The following ST14 variants were observed in gnomAD, a reference collection of about 807,000 sequenced individuals.
The protein encoded by ST14 is suppressor of tumorigenicity 14 protein.
In ST14, 40 loss-of-function variants were observed where a neutral mutation model predicts 96.5. The observed-to-expected ratio is 0.41, with a 90% CI of 0.32 to 0.54. ST14 has a LOEUF of 0.54. Among genes scored for constraint, ST14 ranks in the 20% least tolerant of loss-of-function variants. The probability of loss-of-function intolerance (pLI) is 0.17; values close to 1 mark genes in which losing one functional copy is unlikely to be tolerated. For synonymous variants in ST14, 506 were observed against 492.1 expected (o/e 1.03, Z -0.37); for missense variants, 1,066 against 1,188.9 (o/e 0.90, Z 1.52).
At chr11:130,180,388 T>G (rs1953181211) in intron 1 of ST14, among the ~76,000 whole-genome samples, 1 of 152,260 alleles carries the variant, frequency 6.6e-6, no homozygotes, top group Admixed American at 6.5e-5. Context: ...GAACGATCTT[T>G]AGAAAGGGTC....
rs111397285 is a variant in ST14, at chr11:130,208,281, G to A, written c.1995-129G>A. ...TAGGGTCAAGACCAAGTAAGAGCCG[G>A]CCCCATCGTCTTCTCGTAGCAGCAG... On this transcript the variant is annotated intron_variant, in intron 16 of 18. Coordinates refer to ENST00000278742, the MANE Select transcript of ST14 (RefSeq NM_021978.4). 3,396 of 1,317,438 alleles carry A rather than the reference G, an allele frequency of 2.6e-3. 82 individuals are homozygous for A. The African/African-American group carries it at 0.042, about 16-fold the overall frequency. The allele number at this position is 1,317,438 out of a possible 1,614,324, so 81.6% of individuals were successfully genotyped here.
chr11:130,170,196 C>T (rs1050744680), intron 1 of ST14, among the ~76,000 whole-genome samples: 10 of 152,174 alleles, frequency 6.6e-5, no homozygotes, highest in Non-Finnish European at 1.3e-4. Flanking sequence ...CAGGCCAGGT[C>T]TGACCCCAGA....
chr11:130,160,861 C>A (rs1952993813), intron 1 of ST14, among the ~76,000 whole-genome samples: 1 of 152,198 alleles, frequency 6.6e-6, no homozygotes, highest in African/African-American at 2.4e-5. Flanking sequence ...GGTCTCTACC[C>A]TCTCTGTCCA....
chr11:130,208,339 C>T (rs371599186), intron 16 of ST14, 71 bp from the exon 17 acceptor site: 8 of 1,604,648 alleles, frequency 5.0e-6, no homozygotes, highest in Non-Finnish European at 6.0e-6. Context: ...CCTCTGGGAA[C>T]GCGCGGGGCC....
intron 4 of ST14, 191 bp from the exon 5 acceptor site, chr11:130,189,548 C>T (rs188153664): frequency 1.2e-5 from 8 of 684,870 alleles, no homozygotes; most frequent in Middle Eastern, 7.8e-4. Context: ...ACTGTGAGAG[C>T]AGAGGGCAAA....
In ST14 at chr11:130,160,105, G is replaced by T. The variant is rs770708446; in HGVS notation, c.81+45G>T. 9.1e-6 allele frequency: 12 copies of T among 1,313,188 alleles called. No homozygotes were observed. The African/African-American group carries it at 9.3e-5, about 10-fold the overall frequency. The allele number at this position is 1,313,188 out of a possible 1,614,324, so 81.3% of individuals were successfully genotyped here. ...CCGGGGCGCTGGGAAGCTCCTGCCC[G>T]CCCGACCCTGCAGCGCGGCGCTGGG... On this transcript the variant is annotated intron_variant, in intron 1 of 18. Transcript: ENST00000278742.
chr11:130,169,628 T>C (rs929798226), intron 1 of ST14, among the ~76,000 whole-genome samples: 2 of 152,050 alleles, frequency 1.3e-5, no homozygotes, highest in African/African-American at 4.8e-5. Context: ...AAACGGGAAG[T>C]CTGAATAAGA....
rs1250542541 is a variant in ST14 at position 130,188,925 on chromosome 11, T to C, written c.426T>C (p.Ala142=). The change falls in exon 4 of 19, where the codon GCT becomes GCC. Residue 142 remains alanine (A), a synonymous_variant. Transcript: ENST00000278742. The surrounding 1 kb of genome is among the most constrained non-coding windows in gnomAD (Gnocchi z 5.4). ...TGGGCCCCTACCACAAGGAGTCGGC[T>C]GTGACGGCCTTCAGGTGGGTGTGGA... is the stretch of plus-strand genomic sequence containing the variant. ...PFLGPYHKES[A]VTAFSEGSVI... is the part of the protein sequence containing the mutation. The C allele has an allele frequency of 6.2e-7, 1 of 1,611,094 alleles. No individual in the cohort carries two copies.
intron 6 of ST14, 116 bp from the exon 7 acceptor site, chr11:130,190,338 C>T (rs1233214028): frequency 5.9e-5 from 91 of 1,552,064 alleles, no homozygotes; most frequent in Non-Finnish European, 7.6e-5. Context: ...CCAGGGCAGC[C>T]TGGGGCGTCT....
chr11:130,194,977 G>A (rs569587645), intron 9 of ST14, among the ~76,000 whole-genome samples: 29 of 152,244 alleles, frequency 1.9e-4, no homozygotes, highest in Middle Eastern at 3.4e-3. Context: ...GCCAGATGTC[G>A]TGACTCACAC....
At position 130,208,555 on chromosome 11, in the gene ST14, C is replaced by T; in HGVS notation, c.2140C>T (p.Leu714=). ...CTTCACCTTCGACTATGACATCGCGCTGCTGGAGCTGGAGAAACCGGCAGA... is the reference window on the plus strand; with the variant it reads ...CTTCACCTTCGACTATGACATCGCGTTGCTGGAGCTGGAGAAACCGGCAGA... ...NDFTFDYDIA[L]LELEKPAEYS... Residue 714 remains leucine (L), a synonymous_variant, in exon 17 of 19, where the codon CTG becomes TTG. Coordinates refer to ENST00000278742, the MANE Select transcript of ST14 (RefSeq NM_021978.4). The T allele has an allele frequency of 1.2e-6, 2 of 1,614,244 alleles. No homozygotes were observed. Among genetic ancestry groups the T allele is most frequent in the South Asian group, 1.1e-5 (1 of 91,088 alleles).
At chr11:130,203,208 T>C (rs1167352028) in intron 16 of ST14, among the ~76,000 whole-genome samples, 3 of 152,070 alleles carry the variant, frequency 2.0e-5, no homozygotes, top group African/African-American at 7.2e-5. Context: ...GGGGTGTCCA[T>C]GCTGAGTGTT....
At chr11:130,200,235 G>A (rs1439702947) in intron 16 of ST14, 98 bp downstream of exon 16, 1 of 1,402,424 alleles carries the variant, frequency 7.1e-7, no homozygotes, top group Non-Finnish European at 9.9e-7. Context: ...GCACTGGAGG[G>A]GTGGCCACAT....
chr11:130,160,121 C>A, intron 1 of ST14, 61 bp downstream of exon 1: 1 of 1,189,718 alleles, frequency 8.4e-7, no homozygotes, highest in Non-Finnish European at 1.1e-6. Flanking sequence ...CCCTGCAGCG[C>A]GGCGCTGGGC....
intron 5 of ST14, 74 bp from the exon 6 acceptor site, chr11:130,190,039 T>C (rs750831511): frequency 6.2e-7 from 1 of 1,612,666 alleles, no homozygotes; most frequent in East Asian, 2.2e-5. Context: ...GCACCTCCCT[T>C]TAGATAATAA....
chr11:130,161,169 C>G (rs1024857066), intron 1 of ST14, among the ~76,000 whole-genome samples: 6 of 152,186 alleles, frequency 3.9e-5, no homozygotes, highest in Non-Finnish European at 7.3e-5. Context: ...CTGCCTGCAC[C>G]ACAGACAGGA....
At chr11:130,162,514 G>A (rs980222636) in intron 1 of ST14, among the ~76,000 whole-genome samples, 2 of 152,132 alleles carry the variant, frequency 1.3e-5, no homozygotes, top group African/African-American at 2.4e-5. Flanking sequence ...TGGAAAAATC[G>A]GATGTTGTGT....
Position 130,159,815 on chromosome 11 carries a change from G to A in ST14, c.-165G>A. 4.6e-6 allele frequency: 1 copy of A among 218,090 alleles called. No individual in the cohort carries two copies. The highest frequency in any genetic ancestry group is 8.8e-6 in the Non-Finnish European group (1 of 113,100). The allele number at this position is 218,090 out of a possible 1,614,324, so 13.5% of individuals were successfully genotyped here. On this transcript the variant is annotated 5_prime_UTR_variant, in exon 1 of 19. Coordinates refer to ENST00000278742, the MANE Select transcript of ST14 (RefSeq NM_021978.4). ...GGAGCTGCAGCCGGAGAAAGAGGAA[G>A]AGGGAGAGAGAGCGCGCCAGGGCGA...
intron 1 of ST14, among the ~76,000 whole-genome samples, chr11:130,185,817 T>G (rs1953232153): frequency 6.6e-6 from 1 of 152,194 alleles, no homozygotes; most frequent in Admixed American, 6.5e-5. Flanking sequence ...TTCTTTTTTT[T>G]TTGTTTTTGA....
Sources: allele counts gnomAD v4.1 joint callset (sites outside exome capture counted in the v4.1 genomes callset), GRCh38; gene constraint gnomAD v4.1.1; non-coding constraint Gnocchi (gnomAD v3.1); transcripts MANE v1.5; gene names NCBI Gene and HGNC (gene_info 2026-07-23, HGNC 2026-07-21).